MGRN1: variants seen among roughly 807,000 people sequenced by gnomAD.
MGRN1 encodes the protein mahogunin ring finger 1.
In MGRN1, 29 loss-of-function variants were observed where a neutral mutation model predicts 69.2. That is an observed-to-expected ratio of 0.42 (90% confidence interval 0.31 to 0.57). MGRN1 has a LOEUF of 0.57. MGRN1 is among the 20% of genes least tolerant of loss of function. The pLI is 0.15. For missense variants in MGRN1, 998 were observed against 796.2 expected (o/e 1.25, Z -3.05); for synonymous variants, 470 against 344.2 (o/e 1.37, Z -4.04).
chr16:4,643,873 C>A (rs1312851830), intron 1 of MGRN1, among the ~76,000 whole-genome samples: 2 of 152,162 alleles, frequency 1.3e-5, no homozygotes, highest in African/African-American at 2.4e-5. Flanking sequence ...AAATATGTCT[C>A]TTGAGTAGAT....
chr16:4,651,858 A>G lies in MGRN1; in HGVS notation c.208-105A>G, dbSNP rs74840446. ...AGTATAGCCCCTCCCATGGGACTAG[A>G]TCCCAGGGATACCCTCTGGGGCTGT... On this transcript the variant is annotated intron_variant, in intron 2 of 16. Transcript: ENST00000262370. 1.5e-3 allele frequency: 1,511 copies of G among 990,868 alleles called. 11 individuals are homozygous for G. The African/African-American group carries it at 0.02, about 13-fold the overall frequency. The allele number at this position is 990,868 out of a possible 1,614,324, so 61.4% of individuals were successfully genotyped here. A position where few individuals can be genotyped will look rare whatever the true frequency, so the allele number is the denominator to read the frequency against.
chr16:4,681,300 T>C (rs897389807), intron 12 of MGRN1: 1 of 528,276 alleles, frequency 1.9e-6, no homozygotes, highest in Non-Finnish European at 3.4e-6. Context: ...GCTGGGGCGG[T>C]TCTTGGCAGA....
chr16:4,665,197 G>T (rs373729464), intron 7 of MGRN1, 46 bp downstream of exon 7: 1 of 1,606,326 alleles, frequency 6.2e-7, no homozygotes, highest in Non-Finnish European at 8.5e-7. Flanking sequence ...TGGGAGCTGG[G>T]CAGGGGGTGG....
chr16:4,650,336 T>G, intron 1 of MGRN1, 29 bp from the exon 2 acceptor site: 6 of 1,342,720 alleles, frequency 4.5e-6, no homozygotes, highest in South Asian at 1.3e-5. Flanking sequence ...AAAAAAAAAA[T>G]CTATAATCGT....
In MGRN1 at chr16:4,668,632, GCA is replaced by G. The variant is rs554242414; in HGVS notation, c.726+326_726+327del. On this transcript the variant is annotated intron_variant, in intron 8 of 16. Coordinates refer to ENST00000262370, the MANE Select transcript of MGRN1 (RefSeq NM_015246.4). The stretch of plus-strand genomic sequence containing the variant: ...CACACTCACATGCAGTCATTCAGAT[GCA>G]CACACTCAGACACACTCATATACTC... Among the ~76,000 whole-genome samples, 12 of 151,302 alleles carry G rather than the reference GCA, an allele frequency of 7.9e-5. No individual in the cohort carries two copies. In the South Asian group the frequency reaches 1.7e-3, roughly 21 times the overall value.
At position 4,665,121 on chromosome 16, in the gene MGRN1, C is replaced by A. The variant is rs746652031; in HGVS notation, c.648C>A (p.His216Gln). ...DEGDVVEVTG[H>Q]AHVLLAAFEK... The stretch of plus-strand genomic sequence containing the variant: ...CAGCAGTGGTGGAAGTGACTGGCCA[C>A]GCCCACGTGCTCTTGGCTGCCTTTG... Residue 216 changes from histidine to glutamine, a missense_variant, in exon 7 of 17, where the codon CAC becomes CAA. By Grantham distance (24) the His-to-Gln change is conservative. Transcript: ENST00000262370. 3 of 1,614,248 alleles carry A rather than the reference C, an allele frequency of 1.9e-6. No individual in the cohort carries two copies. In the Admixed American group the frequency reaches 5.0e-5, roughly 27 times the overall value.
rs1455117894 is a variant in MGRN1, at chr16:4,688,808, C to T, written c.1631C>T (p.Ser544Phe). Residue 544 changes from serine to phenylalanine, a missense_variant, in exon 17 of 17, where the codon TCC (serine) becomes TTC (phenylalanine). Transcript: ENST00000262370. ...CTCCCACCTGCAGGACGGCCCACCT[C>T]CATGGAGACGGCCCACGGCCTCGCC... ...ADIYLPGRPTSMETAHGLATT... is the reference protein window; with the variant it reads ...ADIYLPGRPTFMETAHGLATT... 1.3e-6 allele frequency: 2 copies of T among 1,550,966 alleles called. No homozygotes were observed. The highest frequency in any genetic ancestry group is 8.7e-7 in the Non-Finnish European group (1 of 1,146,730).
At chr16:4,683,046 C>A in intron 14 of MGRN1, 100 bp downstream of exon 14, 2 of 1,469,582 alleles carry the variant, frequency 1.4e-6, no homozygotes, top group Middle Eastern at 2.3e-4. Flanking sequence ...CGCCTGGGCG[C>A]CCCCGTGCTT....
At chr16:4,667,530 A>G (rs1395390336) in intron 7 of MGRN1, among the ~76,000 whole-genome samples, 2 of 152,242 alleles carry the variant, frequency 1.3e-5, no homozygotes, top group African/African-American at 2.4e-5. Flanking sequence ...AAAATGGTCT[A>G]TTCTGTGCTT....
intron 1 of MGRN1, among the ~76,000 whole-genome samples, chr16:4,641,982 C>T (rs1026780080): frequency 5.3e-5 from 8 of 152,044 alleles, no homozygotes; most frequent in African/African-American, 1.9e-4. Context: ...GTTTCCAGTT[C>T]TTCCCAGTTG....
At chr16:4,676,453 G>A (rs948113808) in intron 10 of MGRN1, among the ~76,000 whole-genome samples, 3 of 152,208 alleles carry the variant, frequency 2.0e-5, no homozygotes, top group African/African-American at 7.2e-5. Context: ...GAATCTTCAG[G>A]TGTGTGGGGT....
chr16:4,639,100 C>T (rs143899477), intron 1 of MGRN1, among the ~76,000 whole-genome samples: 165 of 152,330 alleles, frequency 1.1e-3, no homozygotes, highest in African/African-American at 3.6e-3. Context: ...CCAGTAACAA[C>T]AGCATCTGCT....
rs556808615 is a variant in MGRN1, at chr16:4,677,490, C to T, written c.983C>T (p.Ala328Val). The T allele has an allele frequency of 1.3e-5, 20 of 1,585,338 alleles. No homozygotes were observed. In the South Asian group the frequency reaches 1.5e-4, roughly 11 times the overall value. The change falls in exon 11 of 17, where the codon GCG (alanine) becomes GTG (valine). Residue 328 changes from alanine (A) to valine (V), a missense_variant. Transcript: ENST00000262370. ...TTCCGGGCCCTCCTGCAGATCCGGG[C>T]GGTGCGGAAGAAGCCAGGAGCCCTG... The part of the protein sequence containing the change: ...LPFRALLQIR[A>V]VRKKPGALSP...
intron 1 of MGRN1, among the ~76,000 whole-genome samples, chr16:4,637,412 A>C (rs530540293): frequency 2.6e-5 from 4 of 152,306 alleles, no homozygotes; most frequent in African/African-American, 9.6e-5. Flanking sequence ...CCTGAGCGAC[A>C]GAGTGAGACT....
chr16:4,688,424 C>A (rs983706078), intron 16 of MGRN1: 5 of 1,043,350 alleles, frequency 4.8e-6, no homozygotes, highest in Admixed American at 5.3e-5. Flanking sequence ...TCCACCCTAA[C>A]CCAGCCGTAA....
In MGRN1 at chr16:4,671,420, G is replaced by A. The variant is rs766004449; in HGVS notation, c.756G>A (p.Glu252=). The A allele has an allele frequency of 5.0e-6, 8 of 1,614,084 alleles. No homozygotes were observed. In the South Asian group the frequency reaches 7.7e-5, roughly 16 times the overall value. Residue 252 remains glutamate, a synonymous_variant, in exon 9 of 17, where the codon GAG becomes GAA. Coordinates refer to ENST00000262370, the MANE Select transcript of MGRN1 (RefSeq NM_015246.4). The part of the protein sequence containing the change: ...IVDRVSYLLQ[E]IYGIENKNNQ... ...ACCGGGTCAGCTACCTCCTGCAGGA[G>A]ATCTATGGCATTGAGAACAAGAACA... is the stretch of plus-strand genomic sequence containing the variant.
chr16:4,657,413 C>A, intron 5 of MGRN1, 50 bp downstream of exon 5: 1 of 1,558,924 alleles, frequency 6.4e-7, no homozygotes, highest in Non-Finnish European at 8.8e-7. Flanking sequence ...TGAATTCTCT[C>A]CCCTTGGGGG....
In MGRN1 at chr16:4,673,557, G is replaced by T. The variant is rs771352886; in HGVS notation, c.855G>T (p.Leu285=). 11 of 1,613,702 alleles carry T rather than the reference G, an allele frequency of 6.8e-6. No homozygotes were observed. Among genetic ancestry groups the T allele is most frequent in the Middle Eastern group, 3.3e-4 (2 of 6,084 alleles). Residue 285 remains leucine, a synonymous_variant, in exon 10 of 17, where the codon CTG becomes CTT. Coordinates refer to ENST00000262370, the MANE Select transcript of MGRN1 (RefSeq NM_015246.4). The stretch of plus-strand genomic sequence containing the variant: ...AGTGTGTGGTGTGCCTGTCCGACCT[G>T]CGGGACACGCTGATCCTGCCCTGCC... ...SNECVVCLSD[L]RDTLILPCRH... is the part of the protein sequence containing the mutation.
At chr16:4,671,537 G>A (rs2078636) in intron 9 of MGRN1, 78 bp downstream of exon 9, 25,934 of 1,393,284 alleles carry the variant, frequency 0.019, 312 homozygotes, top group Non-Finnish European at 0.022. Context: ...AATGCTTGCC[G>A]GTTCCCTTCC....
Sources: gnomAD v4.1 joint callset for allele counts (sites outside exome capture counted in the v4.1 genomes callset) on GRCh38, gnomAD v4.1.1 for gene constraint, MANE v1.5 for transcripts, NCBI Gene and HGNC (gene_info 2026-07-23, HGNC 2026-07-21) for gene names.